Variants in CRTC3 observed in about 807,000 individuals in gnomAD.
CRTC3 encodes CREB-regulated transcription coactivator 3.
CRTC3 carries 26 observed loss-of-function variants against 74.5 expected under a neutral mutation model. The observed-to-expected ratio is 0.35, with a 90% CI of 0.26 to 0.48. The LOEUF (loss-of-function observed/expected upper bound fraction) is 0.48. Among genes scored for constraint, CRTC3 ranks in the 20% least tolerant of loss-of-function variants. The pLI, the probability that CRTC3 is intolerant of heterozygous loss-of-function variation, is 0.99. For synonymous variants in CRTC3, 377 were observed against 325.8 expected (o/e 1.16, Z -1.69); for missense variants, 760 against 787.3 (o/e 0.97, Z 0.41).
rs1969527424 is a variant in CRTC3, at chr15:90,643,638, A to T, written c.*1498A>T. On this transcript the variant is annotated 3_prime_UTR_variant, in exon 15 of 15. Coordinates refer to ENST00000268184, the MANE Select transcript of CRTC3 (RefSeq NM_022769.5). ...TCATTAGTCATCAATACCTTCTCATAAAATAGATGGGCCAGATTTCCACCA... is the reference window on the plus strand; with the variant it reads ...TCATTAGTCATCAATACCTTCTCATTAAATAGATGGGCCAGATTTCCACCA... 4.3e-6 allele frequency: 1 copy of T among 232,254 alleles called. No individual in the cohort carries two copies. Among genetic ancestry groups the T allele is most frequent in the South Asian group, 1.8e-4 (1 of 5,524 alleles). The allele number at this position is 232,254 out of a possible 1,614,324, so 14.4% of individuals were successfully genotyped here.
At position 90,604,376 on chromosome 15, in the gene CRTC3, T is replaced by TAA; in HGVS notation, c.414-9_414-8insAA. 1 of 1,612,736 alleles carries TAA rather than the reference T, an allele frequency of 6.2e-7. No homozygotes were observed. Among genetic ancestry groups the TAA allele is most frequent in the South Asian group, 1.1e-5 (1 of 91,046 alleles). ...TTCTTTTCCTTTTATGTTGTTCTGG[T>TAA]TTTTAAAGGCAGCAGCCTCCTTGGA... is the stretch of plus-strand genomic sequence containing the variant. On this transcript the variant is annotated splice_polypyrimidine_tract_variant and intron_variant, in intron 4 of 14. Transcript: ENST00000268184.
chr15:90,641,356 G>A lies in CRTC3; in HGVS notation c.1651+157G>A, dbSNP rs948540065. The A allele has an allele frequency of 6.5e-6, 4 of 615,798 alleles. No individual in the cohort carries two copies. The African/African-American group carries it at 7.4e-5, about 11-fold the overall frequency. The allele number at this position is 615,798 out of a possible 1,614,324, so 38.1% of individuals were successfully genotyped here. On this transcript the variant is annotated intron_variant, in intron 14 of 14. Transcript: ENST00000268184. ...TTTGAGATGCAGGTGTCCAGCCTCA[G>A]AGACCGTGACACAGGGCGGTGGGCC...
chr15:90,629,692 C>G (rs1354201462), intron 11 of CRTC3, among the ~76,000 whole-genome samples, 160 bp downstream of exon 11: 2 of 152,210 alleles, frequency 1.3e-5, no homozygotes, highest in Non-Finnish European at 2.9e-5. Context: ...GAAATCAGAG[C>G]AGAAGTGTCA....
At chr15:90,540,759 C>T (rs1478120286) in intron 2 of CRTC3, among the ~76,000 whole-genome samples, 3 of 151,468 alleles carry the variant, frequency 2.0e-5, no homozygotes, top group South Asian at 4.2e-4. Context: ...GGCGACAGAG[C>T]GAGACTGTCT....
At chr15:90,544,815 G>T (rs1426810787) in intron 2 of CRTC3, among the ~76,000 whole-genome samples, 1 of 152,150 alleles carries the variant, frequency 6.6e-6, no homozygotes, top group African/African-American at 2.4e-5. Flanking sequence ...CAAAAAAATG[G>T]TGGTTAAAAA....
At chr15:90,608,000 C>A (rs892012920) in intron 6 of CRTC3, among the ~76,000 whole-genome samples, 1 of 152,120 alleles carries the variant, frequency 6.6e-6, no homozygotes, top group Admixed American at 6.5e-5. Flanking sequence ...TGGCTGGCAG[C>A]ACTGGCCAGT....
intron 11 of CRTC3, chr15:90,635,046 C>A: frequency 1.0e-6 from 1 of 960,688 alleles, no homozygotes; most frequent in Non-Finnish European, 1.7e-6. Context: ...TAAGTCACTA[C>A]TGAAATGGCA....
chr15:90,578,122 G>T (rs1967449648), intron 2 of CRTC3, among the ~76,000 whole-genome samples: 1 of 151,448 alleles, frequency 6.6e-6, no homozygotes, highest in Non-Finnish European at 1.5e-5. Context: ...TCACCATGCT[G>T]GTCAAGCTGG....
intron 2 of CRTC3, among the ~76,000 whole-genome samples, chr15:90,574,812 T>G (rs1363536442): frequency 6.6e-6 from 1 of 152,210 alleles, no homozygotes; most frequent in South Asian, 2.1e-4. Flanking sequence ...CGTGTGTTTT[T>G]TCCTGTTTAT....
chr15:90,598,729 T>C, intron 3 of CRTC3: 1 of 580,418 alleles, frequency 1.7e-6, no homozygotes, highest in Non-Finnish European at 3.1e-6. Context: ...GTTGGAAGTA[T>C]GCACTTGGAG....
intron 11 of CRTC3, among the ~76,000 whole-genome samples, chr15:90,634,266 C>G (rs771601941): frequency 6.6e-6 from 1 of 152,034 alleles, no homozygotes; most frequent in Non-Finnish European, 1.5e-5. Context: ...GTGCACACCA[C>G]CACACCTGGC....
At chr15:90,532,943 G>A (rs1596064041) in intron 1 of CRTC3, among the ~76,000 whole-genome samples, 1 of 151,228 alleles carries the variant, frequency 6.6e-6, no homozygotes, top group East Asian at 2.0e-4. Flanking sequence ...AAATTAGCCT[G>A]GCATGGTGGC....
At chr15:90,592,599 G>T (rs960792536) in intron 2 of CRTC3, among the ~76,000 whole-genome samples, 1 of 152,192 alleles carries the variant, frequency 6.6e-6, no homozygotes. Flanking sequence ...TATTGACCAT[G>T]AATTTATCTA....
chr15:90,568,002 A>C (rs1474204026), intron 2 of CRTC3, among the ~76,000 whole-genome samples: 1 of 152,238 alleles, frequency 6.6e-6, no homozygotes, highest in African/African-American at 2.4e-5. Flanking sequence ...CATGGTTCAT[A>C]GGAAGAGGTC....
intron 2 of CRTC3, among the ~76,000 whole-genome samples, chr15:90,561,462 C>T (rs79250995): frequency 6.6e-6 from 1 of 152,228 alleles, no homozygotes; most frequent in South Asian, 2.1e-4. Flanking sequence ...GTCAACCAGG[C>T]TGTATGTTAG....
chr15:90,545,816 G>GATCCGCCCGCCTTGGCCTCCCAA (rs1567161057), intron 2 of CRTC3, among the ~76,000 whole-genome samples: 1 of 152,090 alleles, frequency 6.6e-6, no homozygotes, highest in Non-Finnish European at 1.5e-5. Context: ...CTGACTTTGT[G>GATCCGCCCGCCTTGGCCTCCCAA]ATCCGCCCGC....
chr15:90,642,390 G>T lies in CRTC3; in HGVS notation c.*250G>T. The stretch of plus-strand genomic sequence containing the variant: ...AGGCAGGCTGCTTGGAGCTTCCCAT[G>T]AACTGGAAAGCTCACCTCCACTGCA... On this transcript the variant is annotated 3_prime_UTR_variant, in exon 15 of 15. Coordinates refer to ENST00000268184, the MANE Select transcript of CRTC3 (RefSeq NM_022769.5). 1 of 537,430 alleles carries T rather than the reference G, an allele frequency of 1.9e-6. No homozygotes were observed. The highest frequency in any genetic ancestry group is 3.4e-6 in the Non-Finnish European group (1 of 297,562). 33.3% of individuals were successfully genotyped at this position (537,430 alleles called of 1,614,324 possible).
intron 2 of CRTC3, among the ~76,000 whole-genome samples, chr15:90,583,669 A>G (rs2151074233): frequency 6.6e-6 from 1 of 152,244 alleles, no homozygotes; most frequent in Non-Finnish European, 1.5e-5. Context: ...AACCCAGAAC[A>G]GCTGGGAGCC....
chr15:90,535,172 A>T (rs67222195), intron 1 of CRTC3, among the ~76,000 whole-genome samples: 2 of 117,190 alleles, frequency 1.7e-5, no homozygotes, highest in African/African-American at 6.1e-5. Flanking sequence ...AAAAAAAAAA[A>T]AAAAAAAAGA....
Sources: gnomAD v4.1 joint callset for allele counts (sites outside exome capture counted in the v4.1 genomes callset) on GRCh38, gnomAD v4.1.1 for gene constraint, MANE v1.5 for transcripts, NCBI Gene and HGNC (gene_info 2026-07-23, HGNC 2026-07-21) for gene names.